CASP14: variants seen among roughly 807,000 people sequenced by gnomAD.
CASP14 encodes the protein caspase 14, also known as caspase-14.
Under a neutral mutation model 28.4 loss-of-function variants are expected in CASP14, and 27 were observed. The observed-to-expected ratio is 0.95, with a 90% confidence interval of 0.70 to 1.31. CASP14 has a LOEUF of 1.31. Ranked by LOEUF, CASP14 falls within the 50% of genes most tolerant of loss-of-function variation. The pLI is 0.00. For missense variants in CASP14, 323 were observed against 312.8 expected (o/e 1.03, Z -0.25); for synonymous variants, 115 against 118.6 (o/e 0.97, Z 0.20).
chr19:15,053,865 A>G lies in CASP14; in HGVS notation c.310A>G (p.Lys104Glu). 6.2e-7 allele frequency: 1 copy of G among 1,614,142 alleles called. No individual in the cohort carries two copies. Among genetic ancestry groups the G allele is most frequent in the South Asian group, 1.1e-5 (1 of 91,082 alleles). Residue 104 changes from lysine (K) to glutamate (E), a missense_variant, in exon 4 of 7, where the codon AAG becomes GAG. Physicochemically the swap from Lys to Glu is moderately conservative, Grantham distance 56. Transcript: ENST00000427043. ...CAAGGGAGAAGATGGGGAGATGGTCAAGCTGGAGAATCTCTTCGAGGCCCT... is the reference window on the plus strand; with the variant it reads ...CAAGGGAGAAGATGGGGAGATGGTCGAGCTGGAGAATCTCTTCGAGGCCCT... The part of the protein sequence containing the change: ...FLKGEDGEMV[K>E]LENLFEALNN...
At chr19:15,052,055 T>C (rs1308559706) in intron 1 of CASP14, among the ~76,000 whole-genome samples, 151 bp from the exon 2 acceptor site, 2 of 152,154 alleles carry the variant, frequency 1.3e-5, no homozygotes, top group Non-Finnish European at 2.9e-5. Flanking sequence ...CTTCATGGAT[T>C]ATCATCTATT....
chr19:15,052,940 A>G (rs1482635226), intron 2 of CASP14, among the ~76,000 whole-genome samples: 2 of 152,224 alleles, frequency 1.3e-5, no homozygotes, highest in Non-Finnish European at 1.5e-5. Flanking sequence ...AGGACACCCA[A>G]TTCAATTTGA....
chr19:15,050,080 C>T (rs2046082602), intron 1 of CASP14, among the ~76,000 whole-genome samples: 1 of 152,110 alleles, frequency 6.6e-6, no homozygotes, highest in African/African-American at 2.4e-5. Context: ...AAGAGGGATC[C>T]TAAAACCTAC....
chr19:15,052,693 C>T (rs1027570077), intron 2 of CASP14, among the ~76,000 whole-genome samples: 1 of 152,178 alleles, frequency 6.6e-6, no homozygotes, highest in Non-Finnish European at 1.5e-5. Context: ...AACTCTGAGA[C>T]CTCTGCAAGT....
rs549791392 is a variant in CASP14 at position 15,054,011 on chromosome 19, T to C, written c.403+53T>C. 2.0e-6 allele frequency: 3 copies of C among 1,471,914 alleles called. No individual in the cohort carries two copies. In the African/African-American group the frequency reaches 4.2e-5, roughly 21 times the overall value. 91.2% of individuals were successfully genotyped at this position (1,471,914 alleles called of 1,614,324 possible). On this transcript the variant is annotated intron_variant, in intron 4 of 6. Coordinates refer to ENST00000427043, the MANE Select transcript of CASP14 (RefSeq NM_012114.3). ...CTGTGGTTTGTTGTTTCTGTTTTGTTTTTTGAGACAGCACCCAGGCTGGAA... is the reference window on the plus strand; with the variant it reads ...CTGTGGTTTGTTGTTTCTGTTTTGTCTTTTGAGACAGCACCCAGGCTGGAA...
At position 15,049,727 on chromosome 19, in the gene CASP14, A is replaced by C. The variant is rs546562713; in HGVS notation, c.-47+82A>C. 3.4e-3 allele frequency: 515 copies of C among 149,696 alleles called. 2 individuals carry two copies. Among genetic ancestry groups the C allele is most frequent in the African/African-American group, 0.012 (493 of 40,390 alleles). 9.3% of individuals were successfully genotyped at this position (149,696 alleles called of 1,614,324 possible). On this transcript the variant is annotated intron_variant, in intron 1 of 6. Coordinates refer to ENST00000427043, the MANE Select transcript of CASP14 (RefSeq NM_012114.3). ...CACACACACACACACACACACACAC[A>C]CACACGCACATACACACATACGCTC...
At chr19:15,050,671 T>C (rs1419616025) in intron 1 of CASP14, among the ~76,000 whole-genome samples, 1 of 151,908 alleles carries the variant, frequency 6.6e-6, no homozygotes, top group Non-Finnish European at 1.5e-5. Context: ...AATGGATGAA[T>C]GGATGGATGG....
chr19:15,055,318 C>G lies in CASP14; in HGVS notation c.520+44C>G, dbSNP rs199831812. On this transcript the variant is annotated intron_variant, in intron 5 of 6. Coordinates refer to ENST00000427043, the MANE Select transcript of CASP14 (RefSeq NM_012114.3). ...CCCAGGGATCCCTCTGCTCTTCCCC[C>G]TCTCCTGCCACTCCCAACTCCTGAA... The G allele has an allele frequency of 1.0e-4, 163 of 1,571,544 alleles. No individual in the cohort carries two copies. In the African/African-American group the frequency reaches 1.5e-3, roughly 15 times the overall value.
At chr19:15,053,712 T>C in intron 3 of CASP14, 21 bp from the exon 4 acceptor site, 8 of 1,612,936 alleles carry the variant, frequency 5.0e-6, no homozygotes, top group Non-Finnish European at 5.9e-6. Flanking sequence ...CAGCTGAGTC[T>C]GGTTCTTCCT....
chr19:15,056,208 T>C lies in CASP14; in HGVS notation c.*119T>C. ...TCCCAAGGCCAAATGGCACCCAGTT[T>C]CTTTTCCATCACACCCTTCATGCAG... On this transcript the variant is annotated 3_prime_UTR_variant, in exon 7 of 7. Coordinates refer to ENST00000427043, the MANE Select transcript of CASP14 (RefSeq NM_012114.3). 1.3e-6 allele frequency: 1 copy of C among 764,480 alleles called. No individual in the cohort carries two copies. The highest frequency in any genetic ancestry group is 2.2e-6 in the Non-Finnish European group (1 of 457,402). 47.4% of individuals were successfully genotyped at this position (764,480 alleles called of 1,614,324 possible). A position where few individuals can be genotyped will look rare whatever the true frequency, so the allele number is the denominator to read the frequency against.
rs190802935 is a variant in CASP14, at chr19:15,054,830, G to A, written c.404-328G>A. The A allele has an allele frequency of 1.3e-4, 25 of 196,956 alleles. No individual in the cohort carries two copies. In the East Asian group the frequency reaches 3.0e-3, roughly 24 times the overall value. 12.2% of individuals were successfully genotyped at this position (196,956 alleles called of 1,614,324 possible). On this transcript the variant is annotated intron_variant, in intron 4 of 6. Coordinates refer to ENST00000427043, the MANE Select transcript of CASP14 (RefSeq NM_012114.3). ...TAATTTTTGTATTTTTAGTAGAGATGGGATTTGACCATGTTGGTCAGGCTG... is the reference window on the plus strand; with the variant it reads ...TAATTTTTGTATTTTTAGTAGAGATAGGATTTGACCATGTTGGTCAGGCTG...
rs2046101291 is a variant in CASP14, at chr19:15,053,589, G to C, written c.135G>C (p.Gln45His). Residue 45 changes from glutamine to histidine, a missense_variant, in exon 3 of 7, where the codon CAG becomes CAC. Transcript: ENST00000427043. Reference protein sequence around the residue: ...DLDALEHMFRQLRFESTMKRD... With the variant: ...DLDALEHMFRHLRFESTMKRD... ...ATGCTCTGGAACACATGTTTCGGCAGCTGAGATTCGAAAGCACCATGAAAA... is the reference window on the plus strand; with the variant it reads ...ATGCTCTGGAACACATGTTTCGGCACCTGAGATTCGAAAGCACCATGAAAA... 8.1e-6 allele frequency: 13 copies of C among 1,614,204 alleles called. No individual in the cohort carries two copies. Among genetic ancestry groups the C allele is most frequent in the South Asian group, 2.2e-5 (2 of 91,084 alleles).
rs144989590 is a variant in CASP14, at chr19:15,053,488, T to C, written c.34T>C (p.Tyr12His). The C allele has an allele frequency of 8.0e-5, 129 of 1,614,056 alleles. 1 individual carries two copies. In the East Asian group the frequency reaches 2.9e-3, roughly 36 times the overall value. Residue 12 changes from tyrosine to histidine, a missense_variant, in exon 3 of 7, where the codon TAT becomes CAT. Physicochemically the swap from Tyr to His is moderately conservative, Grantham distance 83. Transcript: ENST00000427043. Reference sequence around the variant, plus strand: ...TGTCTTCTCTTGGCCCCAGGAGAAATATGATATGTCAGGTGCCCGCCTGGC... The same window carrying C: ...TGTCTTCTCTTGGCCCCAGGAGAAACATGATATGTCAGGTGCCCGCCTGGC... ...SNPRSLEEEK[Y>H]DMSGARLALI...
rs78781651 is a variant in CASP14 at position 15,051,921 on chromosome 19, G to C, written c.-46-285G>C. Among the ~76,000 whole-genome samples, 1,279 of 152,188 alleles carry C rather than the reference G, an allele frequency of 8.4e-3. 18 individuals carry two copies. Among genetic ancestry groups the C allele is most frequent in the African/African-American group, 0.03 (1,242 of 41,520 alleles). ...CCAGAAGCTGGTGAATGACCCACGG[G>C]AGACACAGGAAGTTTTTGGGGGCGG... On this transcript the variant is annotated intron_variant, in intron 1 of 6. Coordinates refer to ENST00000427043, the MANE Select transcript of CASP14 (RefSeq NM_012114.3).
rs1400998297 is a variant in CASP14 at position 15,057,142 on chromosome 19, C to T, written c.*1053C>T. 1.3e-5 allele frequency: 2 copies of T among 152,138 alleles called. No individual in the cohort carries two copies. The highest frequency in any genetic ancestry group is 2.9e-5 in the Non-Finnish European group (2 of 68,040). The allele number at this position is 152,138 out of a possible 1,614,324, so 9.4% of individuals were successfully genotyped here. The stretch of plus-strand genomic sequence containing the variant: ...TGCAGCACCAGGCTGGAAGTCAGAT[C>T]GGCTTCACTATCTTCCAACTCTACA... On this transcript the variant is annotated 3_prime_UTR_variant, in exon 7 of 7. Coordinates refer to ENST00000427043, the MANE Select transcript of CASP14 (RefSeq NM_012114.3).
At chr19:15,050,421 G>A (rs2046084725) in intron 1 of CASP14, among the ~76,000 whole-genome samples, 1 of 150,942 alleles carries the variant, frequency 6.6e-6, no homozygotes, top group Non-Finnish European at 1.5e-5. Flanking sequence ...CTTACTTAAT[G>A]GATTCTAAGT....
intron 4 of CASP14, among the ~76,000 whole-genome samples, chr19:15,054,387 C>T (rs2046105970): frequency 1.3e-5 from 2 of 152,096 alleles, no homozygotes; most frequent in Non-Finnish European, 2.9e-5. Flanking sequence ...AGACTAGCGT[C>T]GAGCAATGTA....
Position 15,053,779 on chromosome 19 carries a change from G to A in CASP14, c.224G>A (p.Arg75Gln), listed in dbSNP as rs146833428. The A allele has an allele frequency of 3.1e-5, 50 of 1,613,922 alleles. No homozygotes were observed. Among genetic ancestry groups the A allele is most frequent in the Admixed American group, 1.5e-4 (9 of 59,994 alleles). Residue 75 changes from arginine to glutamine, a missense_variant, in exon 4 of 7, where the codon CGG (arginine) becomes CAG (glutamine). Coordinates refer to ENST00000427043, the MANE Select transcript of CASP14 (RefSeq NM_012114.3). ...LEKFQQAIDS[R>Q]EDPVSCAFVV... is the part of the protein sequence containing the mutation. ...AAATTCCAGCAGGCCATCGATTCCC[G>A]GGAAGATCCCGTCAGTTGTGCCTTC...
chr19:15,056,584 GTAAGAACCATTC>G lies in CASP14; in HGVS notation c.*497_*508del, dbSNP rs1256387261. On this transcript the variant is annotated 3_prime_UTR_variant, in exon 7 of 7. Coordinates refer to ENST00000427043, the MANE Select transcript of CASP14 (RefSeq NM_012114.3). ...TCCTTTACCCTGGAGAGTTAGTAAG[GTAAGAACCATTC>G]TTTCTCTCCAAAACCACTCCTCCTT... 1 of 156,708 alleles carries G rather than the reference GTAAGAACCATTC, an allele frequency of 6.4e-6. No individual in the cohort carries two copies. The allele number at this position is 156,708 out of a possible 1,614,324, so 9.7% of individuals were successfully genotyped here.
Sources: gnomAD v4.1 joint callset for allele counts (sites outside exome capture counted in the v4.1 genomes callset) on GRCh38, gnomAD v4.1.1 for gene constraint, MANE v1.5 for transcripts, NCBI Gene and HGNC (gene_info 2026-07-23, HGNC 2026-07-21) for gene names.